The following ZNF236 variants were observed in gnomAD, a reference collection of about 807,000 sequenced individuals.
The protein encoded by ZNF236 is zinc finger protein 236.
Under a neutral mutation model 191.2 loss-of-function variants are expected in ZNF236, and 50 were observed. The ratio of observed to expected loss-of-function variants is 0.26; its 90% confidence interval spans 0.21 to 0.33. The LOEUF (loss-of-function observed/expected upper bound fraction) is 0.33. Among genes scored for constraint, ZNF236 ranks in the 10% least tolerant of loss-of-function variants. The pLI, the probability that ZNF236 is intolerant of heterozygous loss-of-function variation, is 1.00. For synonymous variants in ZNF236, 907 were observed against 928.8 expected (o/e 0.98, Z 0.43); for missense variants, 1,754 against 2,374.5 (o/e 0.74, Z 5.43).
intron 11 of ZNF236, among the ~76,000 whole-genome samples, chr18:76,901,151 T>C (rs1455674815): frequency 6.6e-6 from 1 of 152,124 alleles, no homozygotes; most frequent in Non-Finnish European, 1.5e-5. Flanking sequence ...TATAATGGAA[T>C]TGGAGATAGA....
chr18:76,886,341 A>T (rs534030778), intron 9 of ZNF236: 1 of 152,768 alleles, frequency 6.5e-6, no homozygotes, highest in African/African-American at 2.4e-5. Context: ...GATCTAAGAA[A>T]GCCATTAATA....
intron 25 of ZNF236, 104 bp downstream of exon 25, chr18:76,928,210 C>A: frequency 1.2e-6 from 1 of 843,798 alleles, no homozygotes; most frequent in Non-Finnish European, 1.7e-6. Flanking sequence ...AAAGCCCGTG[C>A]TCAATATGTA....
At chr18:76,961,367 TTGTGTGTGTGTG>T (rs58383689) in intron 30 of ZNF236, among the ~76,000 whole-genome samples, 131 of 146,938 alleles carry the variant, frequency 8.9e-4, no homozygotes, top group South Asian at 5.8e-3. Flanking sequence ...TAGTATTCCA[TTGTGTGTGTGTG>T]TGTGTGTGTG....
At chr18:76,842,441 T>C (rs1309876755) in intron 1 of ZNF236, among the ~76,000 whole-genome samples, 2 of 151,300 alleles carry the variant, frequency 1.3e-5, no homozygotes, top group Non-Finnish European at 3.0e-5. Context: ...CCCTCAACTT[T>C]TTTTTTTTTT....
Position 76,927,988 on chromosome 18 carries a change from C to T in ZNF236, c.4476C>T (p.Pro1492=), listed in dbSNP as rs776247385. ...SQGLVSPSGG[P]HEITLTINNS... is the part of the protein sequence containing the mutation. The stretch of plus-strand genomic sequence containing the variant: ...GTCTAGTGTCCCCCTCCGGCGGTCC[C>T]CACGAGATCACCCTGACCATTAACA... Residue 1492 remains proline (P), a synonymous_variant, in exon 25 of 31, where the codon CCC becomes CCT. Transcript: ENST00000320610. The surrounding 1 kb of genome is among the most constrained non-coding windows in gnomAD (Gnocchi z 5.4). 13 of 1,613,696 alleles carry T rather than the reference C, an allele frequency of 8.1e-6. No homozygotes were observed. The highest frequency in any genetic ancestry group is 1.1e-5 in the Non-Finnish European group (13 of 1,179,878).
At chr18:76,942,503 ATTTTTTAT>A (rs1244007192) in intron 26 of ZNF236, among the ~76,000 whole-genome samples, 2 of 151,596 alleles carry the variant, frequency 1.3e-5, no homozygotes, top group African/African-American at 4.8e-5. Context: ...AATTTTTTTA[ATTTTTTAT>A]TTTTTTATTA....
intron 1 of ZNF236, among the ~76,000 whole-genome samples, chr18:76,825,768 CTCTT>C (rs1228606396): frequency 6.8e-6 from 1 of 147,914 alleles, no homozygotes; most frequent in Non-Finnish European, 1.5e-5. Flanking sequence ...CTTCTAGGGC[CTCTT>C]TTTTTTTGTT....
intron 26 of ZNF236, among the ~76,000 whole-genome samples, chr18:76,939,006 T>C (rs1968067769): frequency 1.3e-5 from 2 of 152,126 alleles, no homozygotes; most frequent in Admixed American, 6.5e-5. Flanking sequence ...TTCTAAATGT[T>C]AGCAATTCGT....
intron 27 of ZNF236, among the ~76,000 whole-genome samples, chr18:76,955,741 G>C (rs1968507596): frequency 6.6e-6 from 1 of 152,188 alleles, no homozygotes; most frequent in Non-Finnish European, 1.5e-5. Context: ...GGTCAGTGCG[G>C]CGCCAGAGCT....
chr18:76,878,308 T>A (rs1976774369), intron 7 of ZNF236, among the ~76,000 whole-genome samples, 156 bp downstream of exon 7: 1 of 152,210 alleles, frequency 6.6e-6, no homozygotes, highest in South Asian at 2.1e-4. Flanking sequence ...GTCAATCTTT[T>A]AAAATTTGAG....
intron 3 of ZNF236, among the ~76,000 whole-genome samples, chr18:76,863,265 G>T (rs1301797234): frequency 2.0e-5 from 3 of 152,210 alleles, no homozygotes; most frequent in Non-Finnish European, 2.9e-5. Flanking sequence ...AGGAGAAAGA[G>T]TGTGGGGCTG....
At chr18:76,926,761 A>AGTGT (rs200129535) in intron 22 of ZNF236, among the ~76,000 whole-genome samples, 14 of 46,294 alleles carry the variant, frequency 3.0e-4, no homozygotes, top group African/African-American at 8.4e-4. Flanking sequence ...GTGATTAGAC[A>AGTGT]GTGTGTGTGT....
In ZNF236 at chr18:76,927,496, G is replaced by A. The variant is rs755943716; in HGVS notation, c.4393G>A (p.Val1465Met). The A allele has an allele frequency of 5.6e-6, 9 of 1,614,078 alleles. No individual in the cohort carries two copies. Among genetic ancestry groups the A allele is most frequent in the Non-Finnish European group, 6.8e-6 (8 of 1,180,032 alleles). The change falls in exon 24 of 31, where the codon GTG becomes ATG. Residue 1465 changes from valine (V) to methionine (M), a missense_variant. Val to Met is a conservative substitution (Grantham distance 21). Around this residue, in one of 5 missense-constraint regions of ZNF236, gnomAD observed 606 missense variants for 761.5 expected, o/e 0.80. Transcript: ENST00000320610. This position sits in a 1 kb window ranked among gnomAD's most constrained non-coding sequence, Gnocchi z 5.4. ...TIGPLSEQDS[V>M]LTTNSSGTQD... ...AGGCCCGCTGTCTGAGCAGGATTCAGTGCTGACCACTAACAGCAGTGGTAA... is the reference window on the plus strand; with the variant it reads ...AGGCCCGCTGTCTGAGCAGGATTCAATGCTGACCACTAACAGCAGTGGTAA...
chr18:76,940,403 A>G (rs544905329), intron 26 of ZNF236, among the ~76,000 whole-genome samples: 39 of 151,994 alleles, frequency 2.6e-4, no homozygotes, highest in Non-Finnish European at 4.0e-4. Context: ...CTAGCATTGC[A>G]TTTGGGAACA....
In ZNF236 at chr18:76,914,727, G is replaced by T. The variant is rs144506207; in HGVS notation, c.3061+829G>T. Among the ~76,000 whole-genome samples the T allele has an allele frequency of 1.9e-3, 289 of 152,260 alleles. 2 individuals are homozygous for T. The highest frequency in any genetic ancestry group is 0.014 in the Middle Eastern group (4 of 294). ...TGCCCATTTTAAAATTGGATTATTT[G>T]CCTTATTGAGTTGTAAGAGGTTTTT... On this transcript the variant is annotated intron_variant, in intron 18 of 30. Coordinates refer to ENST00000320610, the MANE Select transcript of ZNF236 (RefSeq NM_001306089.2).
chr18:76,960,646 T>C lies in ZNF236; in HGVS notation c.5243-33T>C. ...GCCCAGGCATCCACTATACTTTTCT[T>C]AGAGACATTGACATATGCCATTTTC... On this transcript the variant is annotated intron_variant, in intron 29 of 30. Coordinates refer to ENST00000320610, the MANE Select transcript of ZNF236 (RefSeq NM_001306089.2). The surrounding 1 kb of genome is among the most constrained non-coding windows in gnomAD (Gnocchi z 4.4). The C allele has an allele frequency of 1.2e-6, 2 of 1,613,860 alleles. No individual in the cohort carries two copies. The highest frequency in any genetic ancestry group is 1.1e-5 in the South Asian group (1 of 91,078).
intron 26 of ZNF236, among the ~76,000 whole-genome samples, chr18:76,946,087 T>A (rs1968253694): frequency 6.6e-6 from 1 of 152,198 alleles, no homozygotes; most frequent in Admixed American, 6.5e-5. Context: ...TCTGATATAG[T>A]TTGGCCGTGT....
intron 3 of ZNF236, among the ~76,000 whole-genome samples, chr18:76,859,504 T>G (rs190804366): frequency 1.9e-3 from 291 of 152,278 alleles, no homozygotes; most frequent in African/African-American, 6.5e-3. Flanking sequence ...GTGTGTTGGG[T>G]ACTGCACAGC....
intron 11 of ZNF236, among the ~76,000 whole-genome samples, chr18:76,900,271 A>G (rs1977550879): frequency 6.6e-6 from 1 of 152,238 alleles, no homozygotes. Context: ...TGTGAATCTG[A>G]GAGTTTAACA....
Sources: gnomAD v4.1 joint callset for allele counts (sites outside exome capture counted in the v4.1 genomes callset) on GRCh38, gnomAD v4.1.1 for gene constraint, gnomAD v4.1.1 regional missense constraint, Gnocchi (gnomAD v3.1) non-coding constraint, MANE v1.5 for transcripts, NCBI Gene and HGNC (gene_info 2026-07-23, HGNC 2026-07-21) for gene names.